The following SCFD2 variants were observed in gnomAD, a reference collection of about 807,000 sequenced individuals.
SCFD2 encodes the protein sec1 family domain-containing protein 2.
Under a neutral mutation model 58.9 loss-of-function variants are expected in SCFD2, and 54 were observed. The ratio of observed to expected loss-of-function variants is 0.92; its 90% CI spans 0.74 to 1.15. The LOEUF (loss-of-function observed/expected upper bound fraction) is 1.15. Ranked by LOEUF, SCFD2 falls within the 50% of genes most tolerant of loss-of-function variation. The probability of loss-of-function intolerance (pLI) is 0.00; values close to 1 mark genes in which losing one functional copy is unlikely to be tolerated. For missense variants in SCFD2, 805 were observed against 836.6 expected, an observed-to-expected ratio of 0.96 and a Z score of 0.47; for synonymous variants, 321 against 335.9, an observed-to-expected ratio of 0.96 and a Z score of 0.49.
chr4:53,202,308 T>C (rs1313430550), intron 4 of SCFD2, among the ~76,000 whole-genome samples: 1 of 152,194 alleles, frequency 6.6e-6, no homozygotes, highest in Non-Finnish European at 1.5e-5. Context: ...CTTGTTTTTC[T>C]CAGGTTTGTC....
chr4:53,214,351 C>A (rs545619174), intron 4 of SCFD2, among the ~76,000 whole-genome samples: 23 of 152,250 alleles, frequency 1.5e-4, no homozygotes. Flanking sequence ...GCCATTCTAA[C>A]TGGTGTGAGA....
intron 5 of SCFD2, among the ~76,000 whole-genome samples, chr4:53,072,012 A>C (rs1203195633): frequency 6.6e-6 from 1 of 152,162 alleles, no homozygotes; most frequent in Non-Finnish European, 1.5e-5. Context: ...TTCTGGTGAC[A>C]GATCCTATTA....
chr4:53,197,697 A>G (rs1213436049), intron 4 of SCFD2, among the ~76,000 whole-genome samples: 1 of 149,262 alleles, frequency 6.7e-6, no homozygotes, highest in Non-Finnish European at 1.5e-5. Context: ...GACTTCTCCA[A>G]TTGCAAATAT....
chr4:53,083,118 G>A (rs1352794670), intron 5 of SCFD2, among the ~76,000 whole-genome samples: 2 of 152,018 alleles, frequency 1.3e-5, no homozygotes, highest in Admixed American at 6.6e-5. Flanking sequence ...CTTGAAAATC[G>A]GTGATGGGTG....
At chr4:53,146,123 C>G (rs1188536822) in intron 4 of SCFD2, among the ~76,000 whole-genome samples, 1 of 152,124 alleles carries the variant, frequency 6.6e-6, no homozygotes, top group Non-Finnish European at 1.5e-5. Context: ...CAGAATCACA[C>G]AGGGTAATGG....
intron 5 of SCFD2, among the ~76,000 whole-genome samples, chr4:53,061,334 T>C (rs1366807835): frequency 6.6e-6 from 1 of 152,096 alleles, no homozygotes; most frequent in Non-Finnish European, 1.5e-5. Flanking sequence ...ACAACAATGC[T>C]CGAGGATGGT....
intron 4 of SCFD2, among the ~76,000 whole-genome samples, chr4:53,213,331 C>T (rs1728684841): frequency 6.6e-6 from 1 of 151,908 alleles, no homozygotes; most frequent in South Asian, 2.1e-4. Context: ...TGCATAGTGC[C>T]AAAACAAGAA....
chr4:53,356,424 T>C (rs1734400021), intron 1 of SCFD2, among the ~76,000 whole-genome samples: 1 of 152,128 alleles, frequency 6.6e-6, no homozygotes, highest in South Asian at 2.1e-4. Flanking sequence ...AAAGAATTTG[T>C]AGACATATAT....
At chr4:52,936,540 A>C (rs1282034789) in intron 5 of SCFD2, among the ~76,000 whole-genome samples, 1 of 152,156 alleles carries the variant, frequency 6.6e-6, no homozygotes, top group East Asian at 1.9e-4. Context: ...AAGACTCTAA[A>C]ATACCTCTTC....
intron 7 of SCFD2, among the ~76,000 whole-genome samples, chr4:52,895,218 C>A (rs186154108): frequency 6.6e-6 from 1 of 152,024 alleles, no homozygotes; most frequent in Non-Finnish European, 1.5e-5. Flanking sequence ...ATGTGCACAA[C>A]GTACAGGTTT....
rs577199483 is a variant in SCFD2, at chr4:53,032,597, T to A, written c.1562-111727A>T. On this transcript the variant is annotated intron_variant, in intron 5 of 8. Coordinates refer to ENST00000401642, the MANE Select transcript of SCFD2 (RefSeq NM_152540.4). Reference sequence around the variant, plus strand: ...CTCAAAATAAAGGGATGGAGGAATATTTACCAAGCAAATGTAAAGCAAAAC... The same window carrying A: ...CTCAAAATAAAGGGATGGAGGAATAATTACCAAGCAAATGTAAAGCAAAAC... 6.9e-4 allele frequency among the ~76,000 whole-genome samples: 105 copies of A among 152,166 alleles called. 2 individuals are homozygous for A. Among genetic ancestry groups the A allele is most frequent in the African/African-American group, 2.5e-3 (102 of 41,498 alleles).
At chr4:53,346,277 C>CT (rs58195090) in intron 2 of SCFD2, among the ~76,000 whole-genome samples, 34,175 of 135,140 alleles carry the variant, frequency 0.25, 4,925 homozygotes, top group Non-Finnish European at 0.32. Flanking sequence ...CTTTTTTTTT[C>CT]TTTTTTTTTT....
intron 5 of SCFD2, among the ~76,000 whole-genome samples, chr4:53,035,391 A>G (rs1370658894): frequency 6.6e-6 from 1 of 152,232 alleles, no homozygotes; most frequent in Non-Finnish European, 1.5e-5. Flanking sequence ...AACCTGGGCA[A>G]TACCACTCAG....
chr4:53,036,849 T>A (rs1012702598), intron 5 of SCFD2, among the ~76,000 whole-genome samples: 2 of 152,094 alleles, frequency 1.3e-5, no homozygotes, highest in Non-Finnish European at 2.9e-5. Context: ...TAATAATAAT[T>A]AAAAAATCTA....
At chr4:53,111,460 T>C (rs906245533) in intron 5 of SCFD2, among the ~76,000 whole-genome samples, 2 of 152,180 alleles carry the variant, frequency 1.3e-5, no homozygotes, top group African/African-American at 4.8e-5. Flanking sequence ...TGTGTTATAT[T>C]TATCTTCAAG....
At chr4:53,049,406 T>C (rs1723127379) in intron 5 of SCFD2, among the ~76,000 whole-genome samples, 1 of 152,240 alleles carries the variant, frequency 6.6e-6, no homozygotes. Flanking sequence ...GTGCATACCA[T>C]GTGCTATTCA....
chr4:52,972,210 G>A (rs1178299899), intron 5 of SCFD2, among the ~76,000 whole-genome samples: 1 of 152,064 alleles, frequency 6.6e-6, no homozygotes, highest in Non-Finnish European at 1.5e-5. Flanking sequence ...CAATTAAAAG[G>A]CACAGACTGG....
chr4:53,251,259 A>C (rs1352598466), intron 4 of SCFD2, among the ~76,000 whole-genome samples: 1 of 152,182 alleles, frequency 6.6e-6, no homozygotes, highest in East Asian at 1.9e-4. Context: ...CCAACCAAAA[A>C]GAGTCCAGGA....
At chr4:52,950,933 G>A (rs1720577217) in intron 5 of SCFD2, 1 of 152,122 alleles carries the variant, frequency 6.6e-6, no homozygotes, top group South Asian at 2.1e-4. Context: ...AAAGGTGATG[G>A]GGGACCTGGA....
Sources: gnomAD v4.1 joint callset for allele counts (sites outside exome capture counted in the v4.1 genomes callset) on GRCh38, gnomAD v4.1.1 for gene constraint, MANE v1.5 for transcripts, NCBI Gene and HGNC (gene_info 2026-07-23, HGNC 2026-07-21) for gene names.